MSTO1: variants seen among roughly 807,000 people sequenced by gnomAD.
MSTO1 encodes the protein misato mitochondrial distribution and morphology regulator 1.
A neutral mutation model predicts 55.7 loss-of-function variants in MSTO1; 24 were observed. The observed-to-expected ratio is 0.43, with a 90% CI of 0.31 to 0.61. The LOEUF (loss-of-function observed/expected upper bound fraction) is 0.61, where lower values mean the gene tolerates loss of function less well. Ranked by LOEUF, MSTO1 falls within the 20% of genes least tolerant of loss-of-function variation. MSTO1 has a pLI of 0.09. For synonymous variants in MSTO1, 162 were observed against 252.8 expected (o/e 0.64, Z 3.41); for missense variants, 363 against 625.7 (o/e 0.58, Z 4.48).
At chr1:155,608,245 C>G (rs571407693), upstream of MSTO1, among the ~76,000 whole-genome samples, 1 of 152,178 alleles carries the variant, frequency 6.6e-6, no homozygotes, top group Non-Finnish European at 1.5e-5. Flanking sequence ...TTCACCGCAG[C>G]CTCTAATTCC....
upstream of MSTO1, among the ~76,000 whole-genome samples, chr1:155,608,204 C>T (rs1267740573): frequency 3.3e-5 from 5 of 152,218 alleles, no homozygotes; most frequent in African/African-American, 7.2e-5. Flanking sequence ...CTCCCTCTGT[C>T]TCTGGCTGCA....
chr1:155,569,836 A>G, the MSTO1 span, among the ~76,000 whole-genome samples: 1 of 152,080 alleles, frequency 6.6e-6, no homozygotes, highest in Non-Finnish European at 1.5e-5. Flanking sequence ...ATTTTGGAAT[A>G]TTTGTATTAT....
intron 11 of MSTO1, 91 bp from the exon 12 acceptor site, chr1:155,613,371 C>A: frequency 6.3e-7 from 1 of 1,588,042 alleles, no homozygotes; most frequent in Non-Finnish European, 8.6e-7. Flanking sequence ...CTTTGAATAT[C>A]TTGATCCAGC....
At chr1:155,572,500 T>A in the MSTO1 span, among the ~76,000 whole-genome samples, 1 of 151,966 alleles carries the variant, frequency 6.6e-6, no homozygotes, top group African/African-American at 2.4e-5. Flanking sequence ...GATCACGAAG[T>A]CAGGAGTTCA....
the MSTO1 span, among the ~76,000 whole-genome samples, chr1:155,602,743 T>G: frequency 6.6e-6 from 1 of 152,064 alleles, no homozygotes; most frequent in Non-Finnish European, 1.5e-5. Flanking sequence ...CAGTAAGTTG[T>G]TCCCATTTTG....
chr1:155,574,402 TTAGTAAA>T, the MSTO1 span, among the ~76,000 whole-genome samples: 1 of 152,076 alleles, frequency 6.6e-6, no homozygotes, highest in Non-Finnish European at 1.5e-5. Context: ...AATCTGTAGT[TTAGTAAA>T]TAGTATTGTT....
chr1:155,575,794 ATTTT>A, the MSTO1 span, among the ~76,000 whole-genome samples: 332 of 139,260 alleles, frequency 2.4e-3, no homozygotes, highest in African/African-American at 8.4e-3. Flanking sequence ...GTCTTATTTT[ATTTT>A]TATTTATTTA....
the MSTO1 span, among the ~76,000 whole-genome samples, chr1:155,567,397 C>T: frequency 4.0e-5 from 6 of 151,560 alleles, no homozygotes; most frequent in South Asian, 4.2e-4. Context: ...CTGCAAGCTC[C>T]GCCTAACGGG....
chr1:155,610,412 T>C lies in MSTO1; in HGVS notation c.85-13T>C, dbSNP rs772916286. ...CGTTCAGCCGGCCTGCCTCGTCCTC[T>C]CTGCTTCCCCAGGATGCTGCGCTGG... On this transcript the variant is annotated splice_polypyrimidine_tract_variant and intron_variant, in intron 1 of 13. Coordinates refer to ENST00000245564, the MANE Select transcript of MSTO1 (RefSeq NM_018116.4). 46 of 848,522 alleles carry C rather than the reference T, an allele frequency of 5.4e-5. No individual in the cohort carries two copies. In the South Asian group the frequency reaches 6.9e-4, roughly 13 times the overall value. 52.6% of individuals were successfully genotyped at this position (848,522 alleles called of 1,614,324 possible). A position where few individuals can be genotyped will look rare whatever the true frequency, so the allele number is the denominator to read the frequency against.
chr1:155,574,716 GC>G, the MSTO1 span, among the ~76,000 whole-genome samples: 1 of 151,980 alleles, frequency 6.6e-6, no homozygotes, highest in Admixed American at 6.6e-5. Context: ...ACAGGCACAG[GC>G]AACTATGTTC....
chr1:155,573,893 G>A, the MSTO1 span, among the ~76,000 whole-genome samples: 5 of 151,072 alleles, frequency 3.3e-5, no homozygotes, highest in African/African-American at 1.2e-4. Flanking sequence ...CTAGGCAATC[G>A]TATCCTGTTA....
At chr1:155,605,504 G>A (rs1558242250), upstream of MSTO1, among the ~76,000 whole-genome samples, 1 of 152,066 alleles carries the variant, frequency 6.6e-6, no homozygotes, top group South Asian at 2.1e-4. Flanking sequence ...TAATTCATAG[G>A]TGAAAACTTT....
At chr1:155,564,892 C>A in the MSTO1 span, among the ~76,000 whole-genome samples, 8 of 152,098 alleles carry the variant, frequency 5.3e-5, no homozygotes, top group African/African-American at 1.7e-4. Flanking sequence ...GAGGCCAAGG[C>A]GCATGGATCA....
the MSTO1 span, among the ~76,000 whole-genome samples, chr1:155,573,676 A>G: frequency 1.3e-5 from 2 of 152,088 alleles, no homozygotes; most frequent in South Asian, 4.1e-4. Context: ...TGACTCTACT[A>G]AAAATACAAA....
chr1:155,579,321 GCAAACAAACAAACAAACAAA>G, the MSTO1 span, among the ~76,000 whole-genome samples: 1 of 150,952 alleles, frequency 6.6e-6, no homozygotes, highest in Admixed American at 6.6e-5. Flanking sequence ...CTCAAAACAA[GCAAACAAACAAACAAACAAA>G]CAAACAAACA....
upstream of MSTO1, among the ~76,000 whole-genome samples, chr1:155,610,051 A>T (rs1485145420): frequency 6.6e-6 from 1 of 152,052 alleles, no homozygotes; most frequent in African/African-American, 2.4e-5. Flanking sequence ...CTCACAGGCA[A>T]CCACAGAGAA....
chr1:155,599,976 C>T, the MSTO1 span, among the ~76,000 whole-genome samples: 7 of 152,212 alleles, frequency 4.6e-5, no homozygotes, highest in African/African-American at 9.7e-5. Flanking sequence ...GGTTTTATAC[C>T]GAGACATTCC....
chr1:155,609,942 C>G (rs577181363), upstream of MSTO1: 1 of 434,644 alleles, frequency 2.3e-6, no homozygotes, highest in Admixed American at 4.2e-5. Context: ...GAGCCTTCCA[C>G]GGCCCGCGCC....
chr1:155,595,752 C>T, the MSTO1 span, among the ~76,000 whole-genome samples: 2 of 152,192 alleles, frequency 1.3e-5, no homozygotes, highest in African/African-American at 2.4e-5. Context: ...ACTGGGATTA[C>T]AGGCATGGAC....
Sources: gnomAD v4.1 joint callset for allele counts (sites outside exome capture counted in the v4.1 genomes callset) on GRCh38, gnomAD v4.1.1 for gene constraint, MANE v1.5 for transcripts, NCBI Gene and HGNC (gene_info 2026-07-23, HGNC 2026-07-21) for gene names.